Variants in SLC28A1 observed in about 807,000 individuals in gnomAD.
SLC28A1 encodes the protein solute carrier family 28 member 1.
SLC28A1 carries 64 observed loss-of-function variants against 74.8 expected under a neutral mutation model. The observed-to-expected ratio is 0.86, with a 90% CI of 0.70 to 1.05. The LOEUF is 1.05. Ranked by LOEUF, SLC28A1 falls within the 50% of genes least tolerant of loss-of-function variation. SLC28A1 has a pLI of 0.00. For synonymous variants in SLC28A1, 359 were observed against 335.0 expected (o/e 1.07, Z -0.78); for missense variants, 828 against 822.8 (o/e 1.01, Z -0.08).
At chr15:84,955,685 C>CTCTTTTGTT in the SLC28A1 span, among the ~76,000 whole-genome samples, 2 of 152,212 alleles carry the variant, frequency 1.3e-5, no homozygotes, top group Non-Finnish European at 2.9e-5. Context: ...TTGGCTGCTG[C>CTCTTTTGTT]TGGGAGCCTC....
At chr15:84,921,551 T>TC (rs1969834696) in intron 11 of SLC28A1, among the ~76,000 whole-genome samples, 1 of 152,176 alleles carries the variant, frequency 6.6e-6, no homozygotes, top group African/African-American at 2.4e-5. Context: ...TGGTGCCGAG[T>TC]CCCTTTCAGA....
chr15:84,963,841 C>T, the SLC28A1 span, among the ~76,000 whole-genome samples: 3 of 152,210 alleles, frequency 2.0e-5, no homozygotes, highest in African/African-American at 7.2e-5. Flanking sequence ...TATTTCACCT[C>T]TAGCCATTTC....
intron 12 of SLC28A1, among the ~76,000 whole-genome samples, chr15:84,932,659 A>T (rs1281083081): frequency 6.6e-6 from 1 of 152,202 alleles, no homozygotes; most frequent in Non-Finnish European, 1.5e-5. Flanking sequence ...TTAGCTCTTA[A>T]ATCCATTTCA....
At chr15:84,897,651 C>A (rs1966147522) in intron 6 of SLC28A1, among the ~76,000 whole-genome samples, 1 of 152,178 alleles carries the variant, frequency 6.6e-6, no homozygotes, top group African/African-American at 2.4e-5. Context: ...TATTCAAATT[C>A]TCCTAGCTAT....
chr15:84,906,681 C>A (rs1967302310), intron 8 of SLC28A1, among the ~76,000 whole-genome samples: 1 of 142,714 alleles, frequency 7.0e-6, no homozygotes, highest in Admixed American at 7.0e-5. Flanking sequence ...ACAGGGTCTC[C>A]CTATGTTGCC....
rs1966856242 is a variant in SLC28A1 at position 84,904,257 on chromosome 15, G to T, written c.603+19G>T. 2 of 1,613,094 alleles carry T rather than the reference G, an allele frequency of 1.2e-6. No homozygotes were observed. The highest frequency in any genetic ancestry group is 1.7e-6 in the Non-Finnish European group (2 of 1,180,028). On this transcript the variant is annotated intron_variant, in intron 7 of 18. Transcript: ENST00000394573. ...TTGCGCAGTGAGTGCTAGTTGTGGG[G>T]CCCAGGGCTGGAAGTGTTTGCCTCT...
chr15:84,959,751 G>A, the SLC28A1 span, among the ~76,000 whole-genome samples: 1 of 152,052 alleles, frequency 6.6e-6, no homozygotes, highest in Admixed American at 6.5e-5. Flanking sequence ...TAGTTTCAAG[G>A]CATTTTTCTT....
chr15:84,936,811 G>T (rs1012312766), intron 15 of SLC28A1, among the ~76,000 whole-genome samples: 1 of 152,104 alleles, frequency 6.6e-6, no homozygotes, highest in Non-Finnish European at 1.5e-5. Flanking sequence ...CCAGCACTTT[G>T]GGAGGTCAAG....
At position 84,887,863 on chromosome 15, in the gene SLC28A1, A is replaced by G; in HGVS notation, c.96+7A>G. On this transcript the variant is annotated splice_region_variant and intron_variant, in intron 3 of 18. Transcript: ENST00000394573. ...TGATTTCTTGGAAAGCCTGGTCTGT[A>G]CCCTTCCCCATCAGTCATCCTGACC... 1 of 1,599,602 alleles carries G rather than the reference A, an allele frequency of 6.3e-7. No homozygotes were observed. The highest frequency in any genetic ancestry group is 1.1e-5 in the South Asian group (1 of 90,786).
intron 9 of SLC28A1, among the ~76,000 whole-genome samples, chr15:84,915,211 T>C (rs577513627): frequency 3.3e-4 from 51 of 152,278 alleles, no homozygotes; most frequent in African/African-American, 1.2e-3. Flanking sequence ...ACAGTTCTGG[T>C]GTTCTCTGTC....
chr15:84,923,652 G>A (rs1287732921), intron 11 of SLC28A1, among the ~76,000 whole-genome samples: 3 of 152,090 alleles, frequency 2.0e-5, no homozygotes, highest in Admixed American at 6.6e-5. Context: ...GAACCCCACC[G>A]AACCTCTGTT....
At chr15:84,894,878 G>A (rs911074523) in intron 5 of SLC28A1, 62 bp from the exon 6 acceptor site, 88 of 1,535,388 alleles carry the variant, frequency 5.7e-5, no homozygotes, top group Non-Finnish European at 7.3e-5. Context: ...CGCGGGCGGG[G>A]CTGCAGGGTT....
chr15:84,943,406 T>A (rs745555663), intron 15 of SLC28A1, 39 bp from the exon 16 acceptor site: 1 of 1,513,858 alleles, frequency 6.6e-7, no homozygotes, highest in Admixed American at 1.7e-5. Flanking sequence ...CAGGCCCATC[T>A]GAGGGGAGCC....
At chr15:84,962,430 G>C in the SLC28A1 span, among the ~76,000 whole-genome samples, 2 of 151,614 alleles carry the variant, frequency 1.3e-5, no homozygotes, top group Non-Finnish European at 2.9e-5. Context: ...AGAAAGAAAG[G>C]GTGGGCCTAT....
chr15:84,924,225 T>A (rs990546884), intron 12 of SLC28A1, 115 bp downstream of exon 12: 2 of 1,276,480 alleles, frequency 1.6e-6, no homozygotes, highest in Non-Finnish European at 2.3e-6. Flanking sequence ...TTGGGCCTGC[T>A]GTGCTGGCAA....
At chr15:84,963,997 A>G in the SLC28A1 span, among the ~76,000 whole-genome samples, 2 of 151,326 alleles carry the variant, frequency 1.3e-5, no homozygotes, top group African/African-American at 2.4e-5. Flanking sequence ...CCTAATTCCT[A>G]CTCATCCCTC....
the SLC28A1 span, among the ~76,000 whole-genome samples, chr15:84,966,349 G>A: frequency 6.6e-6 from 1 of 152,108 alleles, no homozygotes; most frequent in South Asian, 2.1e-4. Context: ...TTACAGGTGT[G>A]AGCCACTGTG....
intron 9 of SLC28A1, among the ~76,000 whole-genome samples, chr15:84,915,605 T>C (rs1567154447): frequency 6.6e-6 from 1 of 152,202 alleles, no homozygotes; most frequent in Non-Finnish European, 1.5e-5. Context: ...ACGCTTCCTC[T>C]GACACTGCTC....
At position 84,922,597 on chromosome 15, in the gene SLC28A1, C is replaced by T. The variant is rs554007663; in HGVS notation, c.958-1388C>T. Among the ~76,000 whole-genome samples the T allele has an allele frequency of 2.6e-5, 4 of 152,254 alleles. No individual in the cohort carries two copies. The South Asian group carries it at 6.2e-4, about 24-fold the overall frequency. ...ACCTCTTCTTCCTTCCCGTACTATC[C>T]GTCCTTCACTCATACACCCGAGTGA... On this transcript the variant is annotated intron_variant, in intron 11 of 18. Coordinates refer to ENST00000394573, the MANE Select transcript of SLC28A1 (RefSeq NM_004213.5).
Sources: gnomAD v4.1 joint callset for allele counts (sites outside exome capture counted in the v4.1 genomes callset) on GRCh38, gnomAD v4.1.1 for gene constraint, MANE v1.5 for transcripts, NCBI Gene and HGNC (gene_info 2026-07-23, HGNC 2026-07-21) for gene names.